Variants in TRPC1 observed in about 807,000 individuals in gnomAD.
TRPC1 encodes transient receptor potential cation channel subfamily C member 1.
In TRPC1, 42 loss-of-function variants were observed where a neutral mutation model predicts 88.2. The observed-to-expected ratio is 0.48, with a 90% CI of 0.37 to 0.62. The LOEUF is 0.62. Among genes scored for constraint, TRPC1 ranks in the 20% least tolerant of loss-of-function variants. The pLI is 0.00. For missense variants in TRPC1, 699 were observed against 957.3 expected (o/e 0.73, Z 3.56); for synonymous variants, 288 against 331.8 (o/e 0.87, Z 1.43).
chr3:142,784,915 G>A lies in TRPC1; in HGVS notation c.1172G>A (p.Gly391Glu). 6.2e-7 allele frequency: 1 copy of A among 1,614,026 alleles called. No individual in the cohort carries two copies. The highest frequency in any genetic ancestry group is 8.5e-7 in the Non-Finnish European group (1 of 1,179,990). Residue 391 changes from glycine to glutamate, a missense_variant, in exon 7 of 13, where the codon GGA becomes GAA. By Grantham distance (98) the Gly-to-Glu change is moderately conservative. This residue lies in a region of TRPC1 where 426 missense variants were observed against 641.3 expected (regional missense o/e 0.66). Coordinates refer to ENST00000476941, the MANE Select transcript of TRPC1 (RefSeq NM_001251845.2). ...CCTTTTATGAAATTTATCATTCATG[G>A]AGCATCATATTTCACATTTCTGCTG... ...HTPFMKFIIH[G>E]ASYFTFLLLL...
chr3:142,767,417 C>T lies in TRPC1; in HGVS notation c.633-10215C>T, dbSNP rs1224140262. 2.6e-5 allele frequency among the ~76,000 whole-genome samples: 4 copies of T among 151,740 alleles called. No individual in the cohort carries two copies. The highest frequency in any genetic ancestry group is 4.4e-5 in the Non-Finnish European group (3 of 67,852). ...TCTCCCAGTCTGTGGTTTGCCTTCT[C>T]ATTCTTATGATCCACAGAGTATTTT... On this transcript the variant is annotated intron_variant, in intron 4 of 12. Transcript: ENST00000476941. The surrounding 1 kb of genome is among the most constrained non-coding windows in gnomAD (Gnocchi z 5.1).
At chr3:142,746,916 T>C (rs2108042881) in intron 3 of TRPC1, among the ~76,000 whole-genome samples, 1 of 152,078 alleles carries the variant, frequency 6.6e-6, no homozygotes, top group Non-Finnish European at 1.5e-5. Flanking sequence ...GCTTTTATGT[T>C]AATGAGATAA....
intron 7 of TRPC1, among the ~76,000 whole-genome samples, chr3:142,785,743 C>T (rs1481640874): frequency 5.9e-5 from 9 of 152,186 alleles, no homozygotes; most frequent in Non-Finnish European, 1.3e-4. Context: ...TCGTAATCCT[C>T]CTGCCTCAGC....
At chr3:142,770,805 C>G (rs1325230384) in intron 4 of TRPC1, among the ~76,000 whole-genome samples, 1 of 151,954 alleles carries the variant, frequency 6.6e-6, no homozygotes, top group Non-Finnish European at 1.5e-5. Context: ...AGTATATTTT[C>G]TAATATGATT....
intron 12 of TRPC1, among the ~76,000 whole-genome samples, chr3:142,805,129 TACACACACACACACACACACAC>T (rs71153991): frequency 1.3e-4 from 12 of 95,276 alleles, no homozygotes; most frequent in African/African-American, 7.6e-4. Flanking sequence ...AATATATATA[TACACACACACACACACACACAC>T]ACACACACAC....
chr3:142,736,344 C>G, intron 1 of TRPC1, 35 bp from the exon 2 acceptor site: 2 of 1,485,898 alleles, frequency 1.3e-6, no homozygotes, highest in Non-Finnish European at 9.0e-7. Flanking sequence ...TGATATGTCA[C>G]GGATATTAAA....
At chr3:142,758,429 G>GA (rs1308635957) in intron 4 of TRPC1, among the ~76,000 whole-genome samples, 1 of 152,092 alleles carries the variant, frequency 6.6e-6, no homozygotes, top group Admixed American at 6.6e-5. Context: ...TCATTTGTAT[G>GA]TTTTCTTTTA....
At chr3:142,743,399 A>G in intron 2 of TRPC1, 86 bp from the exon 3 acceptor site, 1 of 1,096,100 alleles carries the variant, frequency 9.1e-7, no homozygotes, top group Non-Finnish European at 1.3e-6. Context: ...TTAAATTTTT[A>G]AAAAGTTTTA....
In TRPC1 at chr3:142,724,491, T is replaced by G. The variant is rs565125694; in HGVS notation, c.-69T>G. The G allele has an allele frequency of 6.8e-5, 94 of 1,377,462 alleles. No homozygotes were observed. In the African/African-American group the frequency reaches 1.3e-3, roughly 19 times the overall value. 85.3% of individuals were successfully genotyped at this position (1,377,462 alleles called of 1,614,324 possible). ...TTCCAGCCCTGGGGCGTGGCTGGGGTCGGGGTCGGGGTCGGGGCCGGTGGG... is the reference window on the plus strand; with the variant it reads ...TTCCAGCCCTGGGGCGTGGCTGGGGGCGGGGTCGGGGTCGGGGCCGGTGGG... On this transcript the variant is annotated 5_prime_UTR_variant, in exon 1 of 13. Transcript: ENST00000476941. The surrounding 1 kb of genome is among the most constrained non-coding windows in gnomAD (Gnocchi z 5.6).
chr3:142,726,768 T>C (rs1319454991), intron 1 of TRPC1, among the ~76,000 whole-genome samples: 1 of 152,218 alleles, frequency 6.6e-6, no homozygotes, highest in Non-Finnish European at 1.5e-5. Context: ...GTGAACAATT[T>C]CCTGAAGTAG....
intron 4 of TRPC1, among the ~76,000 whole-genome samples, chr3:142,756,804 C>T (rs1207339663): frequency 6.6e-6 from 1 of 152,068 alleles, no homozygotes; most frequent in Non-Finnish European, 1.5e-5. Flanking sequence ...AAATATATGT[C>T]TATAATTTAC....
intron 2 of TRPC1, among the ~76,000 whole-genome samples, chr3:142,741,878 A>G (rs1452147880): frequency 3.3e-5 from 5 of 152,188 alleles, no homozygotes; most frequent in African/African-American, 9.6e-5. Context: ...ATTAAAAATC[A>G]TAGGCTGGGC....
chr3:142,729,271 T>G (rs768543288), intron 1 of TRPC1, among the ~76,000 whole-genome samples: 14 of 152,336 alleles, frequency 9.2e-5, no homozygotes, highest in Non-Finnish European at 4.4e-5. Flanking sequence ...GCTGCTCTTT[T>G]TCTGTAAGTC....
chr3:142,802,835 T>G (rs1237525526), intron 10 of TRPC1, among the ~76,000 whole-genome samples: 1 of 152,184 alleles, frequency 6.6e-6, no homozygotes, highest in Non-Finnish European at 1.5e-5. Flanking sequence ...TGTTTTGAGG[T>G]AAACAAAATT....
chr3:142,784,655 G>A (rs1307228182), intron 6 of TRPC1, 49 bp from the exon 7 acceptor site: 1 of 1,412,050 alleles, frequency 7.1e-7, no homozygotes, highest in East Asian at 2.3e-5. Context: ...GTATTTAAAG[G>A]TTTCCTTTTA....
At chr3:142,727,554 T>TA (rs1388385276) in intron 1 of TRPC1, among the ~76,000 whole-genome samples, 1 of 152,188 alleles carries the variant, frequency 6.6e-6, no homozygotes, top group African/African-American at 2.4e-5. Flanking sequence ...GGCCACTTAG[T>TA]AATGGCTGTT....
At chr3:142,778,090 GCT>G (rs1165717188) in intron 5 of TRPC1, among the ~76,000 whole-genome samples, 2 of 151,934 alleles carry the variant, frequency 1.3e-5, no homozygotes, top group Non-Finnish European at 2.9e-5. Context: ...ATTCATAGTT[GCT>G]CTCTCTCTCA....
chr3:142,796,143 A>G (rs1936441586), intron 9 of TRPC1, among the ~76,000 whole-genome samples: 1 of 152,082 alleles, frequency 6.6e-6, no homozygotes, highest in African/African-American at 2.4e-5. Flanking sequence ...TGAGGCATAG[A>G]GACATTAAGT....
chr3:142,805,786 C>T (rs1039411765), intron 12 of TRPC1, among the ~76,000 whole-genome samples: 5 of 151,946 alleles, frequency 3.3e-5, no homozygotes, highest in African/African-American at 1.2e-4. Flanking sequence ...ATTCCTAAGA[C>T]TAATTTTTTT....
Sources: gnomAD v4.1 joint callset for allele counts (sites outside exome capture counted in the v4.1 genomes callset) on GRCh38, gnomAD v4.1.1 for gene constraint, gnomAD v4.1.1 regional missense constraint, Gnocchi (gnomAD v3.1) non-coding constraint, MANE v1.5 for transcripts, NCBI Gene and HGNC (gene_info 2026-07-23, HGNC 2026-07-21) for gene names.